The following WWOX variants were observed in gnomAD, a reference collection of about 807,000 sequenced individuals.
WWOX encodes the protein WW domain-containing oxidoreductase.
A neutral mutation model predicts 46.2 loss-of-function variants in WWOX; 69 were observed. The observed-to-expected ratio is 1.49, with a 90% confidence interval of 1.23 to 1.82. WWOX has a LOEUF of 1.82. Among genes scored for constraint, WWOX ranks in the 40% most tolerant of loss-of-function variants. The pLI is 0.00. For synonymous variants in WWOX, 359 were observed against 202.6 expected (o/e 1.77, Z -6.56); for missense variants, 919 against 542.6 (o/e 1.69, Z -6.89).
chr16:78,318,812 C>A (rs1012650269), intron 5 of WWOX, among the ~76,000 whole-genome samples: 4 of 152,162 alleles, frequency 2.6e-5, no homozygotes, highest in African/African-American at 7.2e-5. Flanking sequence ...CACTTTTCTA[C>A]AAGCATGACT....
chr16:78,397,716 G>A (rs182572400), intron 6 of WWOX, among the ~76,000 whole-genome samples: 2 of 152,344 alleles, frequency 1.3e-5, no homozygotes, highest in East Asian at 1.9e-4. Flanking sequence ...GGTTGGAGGA[G>A]ATGCTTCTTT....
At chr16:79,107,089 G>T (rs1454102930) in intron 8 of WWOX, among the ~76,000 whole-genome samples, 2 of 152,084 alleles carry the variant, frequency 1.3e-5, no homozygotes, top group African/African-American at 4.8e-5. Flanking sequence ...GGGATTACAG[G>T]CATGGGCCAC....
chr16:78,842,806 C>T (rs4888863), intron 8 of WWOX, among the ~76,000 whole-genome samples: 93,861 of 143,574 alleles, frequency 0.65, 31,658 homozygotes, highest in South Asian at 0.79. Flanking sequence ...CAACCAAGAT[C>T]ACGCCACTGC....
chr16:78,642,354 C>A (rs1290808374), intron 8 of WWOX, among the ~76,000 whole-genome samples: 1 of 152,138 alleles, frequency 6.6e-6, no homozygotes, highest in South Asian at 2.1e-4. Context: ...TCTCCAGATT[C>A]CTTGTTCTGT....
chr16:78,225,908 A>C (rs560701047), intron 5 of WWOX, among the ~76,000 whole-genome samples: 1 of 152,078 alleles, frequency 6.6e-6, no homozygotes, highest in East Asian at 1.9e-4. Flanking sequence ...TCTATTCTAC[A>C]TCTAAATAGT....
intron 8 of WWOX, among the ~76,000 whole-genome samples, chr16:79,177,999 G>T (rs993511485): frequency 3.9e-5 from 6 of 152,110 alleles, no homozygotes; most frequent in African/African-American, 1.2e-4. Context: ...ATGACTTCTT[G>T]CTGTGTCAAC....
At chr16:78,609,527 TTTC>T (rs2045847420) in intron 8 of WWOX, among the ~76,000 whole-genome samples, 1 of 151,776 alleles carries the variant, frequency 6.6e-6, no homozygotes, top group Non-Finnish European at 1.5e-5. Flanking sequence ...GGTTTTTTTT[TTTC>T]TTTCTTTCTT....
chr16:79,025,116 C>CTTGTTTTGTTTTGTT (rs200030802), intron 8 of WWOX, among the ~76,000 whole-genome samples: 97 of 96,724 alleles, frequency 1.0e-3, no homozygotes, highest in Middle Eastern at 8.8e-3. Flanking sequence ...GGAAGGTGGG[C>CTTGTTTTGTTTTGTT]TTGTTTTGTT....
chr16:79,067,216 G>T (rs1567526850), intron 8 of WWOX, among the ~76,000 whole-genome samples: 1 of 152,132 alleles, frequency 6.6e-6, no homozygotes, highest in Non-Finnish European at 1.5e-5. Flanking sequence ...TGGTGATTCT[G>T]ATATTCACTA....
intron 8 of WWOX, among the ~76,000 whole-genome samples, chr16:79,019,212 G>T (rs1035938321): frequency 8.5e-6 from 1 of 117,774 alleles, no homozygotes; most frequent in Non-Finnish European, 1.8e-5. Context: ...AATGACATCA[G>T]ACTCAAAATG....
In WWOX at chr16:78,518,092, C is replaced by T. The variant is rs78793696; in HGVS notation, c.1056+85340C>T. Among the ~76,000 whole-genome samples, 21 of 152,110 alleles carry T rather than the reference C, an allele frequency of 1.4e-4. No individual in the cohort carries two copies. In the East Asian group the frequency reaches 2.3e-3, roughly 17 times the overall value. On this transcript the variant is annotated intron_variant, in intron 8 of 8. Coordinates refer to ENST00000566780, the MANE Select transcript of WWOX (RefSeq NM_016373.4). ...AGTTTCCCCATCTGTTGGATCAGAA[C>T]GGCAGTATGTGCTCTCCAGTATTTT...
chr16:78,999,457 C>T (rs1056911422), intron 8 of WWOX, among the ~76,000 whole-genome samples: 27 of 151,940 alleles, frequency 1.8e-4, no homozygotes, highest in Admixed American at 4.6e-4. Flanking sequence ...GCAGCAGGAG[C>T]GAAACTCCTT....
At chr16:78,776,738 G>T (rs995089830) in intron 8 of WWOX, among the ~76,000 whole-genome samples, 8 of 152,140 alleles carry the variant, frequency 5.3e-5, no homozygotes, top group Non-Finnish European at 1.2e-4. Flanking sequence ...GATCATGGTG[G>T]AAAGGAAGCT....
intron 8 of WWOX, among the ~76,000 whole-genome samples, chr16:78,460,383 G>C (rs549251788): frequency 1.3e-5 from 2 of 152,186 alleles, no homozygotes; most frequent in South Asian, 4.1e-4. Flanking sequence ...GCAAAGTGCT[G>C]GGATTATAGG....
chr16:78,369,350 GA>G (rs149972220), intron 5 of WWOX, among the ~76,000 whole-genome samples: 11 of 150,078 alleles, frequency 7.3e-5, no homozygotes, highest in Admixed American at 4.6e-4. Flanking sequence ...AAAAAACGTG[GA>G]AAAAAAAAGA....
chr16:78,304,423 T>A (rs1418225140), intron 5 of WWOX, among the ~76,000 whole-genome samples: 1 of 152,212 alleles, frequency 6.6e-6, no homozygotes, highest in Non-Finnish European at 1.5e-5. Context: ...TGCAGAGGCT[T>A]CTAGAATTTT....
rs57291441 is a variant in WWOX at position 78,797,358 on chromosome 16, TAAAAAA to T, written c.1056+364623_1056+364628del. On this transcript the variant is annotated intron_variant, in intron 8 of 8. Coordinates refer to ENST00000566780, the MANE Select transcript of WWOX (RefSeq NM_016373.4). ...TATGCAATTTTAAGGGTCAAAGTGG[TAAAAAA>T]AAAAAAAAAAAAAAAAGGAAAATCA... Among the ~76,000 whole-genome samples, 171 of 116,610 alleles carry T rather than the reference TAAAAAA, an allele frequency of 1.5e-3. 1 individual carries two copies. The highest frequency in any genetic ancestry group is 1.6e-3 in the Non-Finnish European group (100 of 61,678). 76.5% of individuals were successfully genotyped at this position (116,610 alleles called of 152,430 possible).
intron 8 of WWOX, among the ~76,000 whole-genome samples, chr16:78,881,115 C>T (rs925514473): frequency 2.6e-5 from 4 of 151,900 alleles, no homozygotes; most frequent in African/African-American, 9.7e-5. Flanking sequence ...CCTCAGCCTC[C>T]CAAGGGAGCT....
intron 8 of WWOX, among the ~76,000 whole-genome samples, chr16:79,089,312 A>G (rs1045555557): frequency 1.4e-5 from 2 of 146,952 alleles, no homozygotes; most frequent in Non-Finnish European, 3.0e-5. Context: ...TAGCGTCATC[A>G]TGAACGTTCA....
Sources: gnomAD v4.1 joint callset for allele counts (sites outside exome capture counted in the v4.1 genomes callset) on GRCh38, gnomAD v4.1.1 for gene constraint, MANE v1.5 for transcripts, NCBI Gene and HGNC (gene_info 2026-07-23, HGNC 2026-07-21) for gene names.